The following PHTF2 variants were observed in gnomAD, a reference collection of about 807,000 sequenced individuals.
PHTF2 encodes the protein protein PHTF2.
In PHTF2, 60 loss-of-function variants were observed where a neutral mutation model predicts 101.2. The observed-to-expected ratio is 0.59, with a 90% confidence interval of 0.48 to 0.73. PHTF2 has a LOEUF of 0.73. PHTF2 is among the 30% of genes least tolerant of loss of function. PHTF2 has a pLI of 0.00. For missense variants in PHTF2, 747 were observed against 908.7 expected, an observed-to-expected ratio of 0.82 and a Z score of 2.29; for synonymous variants, 311 against 307.3, an observed-to-expected ratio of 1.01 and a Z score of -0.13.
chr7:77,932,602 A>AG, intron 12 of PHTF2, among the ~76,000 whole-genome samples: 1 of 130,062 alleles, frequency 7.7e-6, no homozygotes, highest in African/African-American at 2.9e-5. Flanking sequence ...GAGAGAGAGA[A>AG]AGAGAGAGAG....
At chr7:77,876,833 C>T (rs1798983287) in intron 3 of PHTF2, among the ~76,000 whole-genome samples, 1 of 152,136 alleles carries the variant, frequency 6.6e-6, no homozygotes, top group Non-Finnish European at 1.5e-5. Context: ...TGTGATTGCA[C>T]CACTGCATAA....
At chr7:77,943,815 C>T (rs184690845) in intron 16 of PHTF2, among the ~76,000 whole-genome samples, 163 of 151,952 alleles carry the variant, frequency 1.1e-3, no homozygotes, top group African/African-American at 3.4e-3. Flanking sequence ...GTCAGGAGTT[C>T]GAGACCAGCC....
At chr7:77,921,546 T>A (rs571321403) in intron 10 of PHTF2, among the ~76,000 whole-genome samples, 10 of 152,334 alleles carry the variant, frequency 6.6e-5, no homozygotes, top group African/African-American at 1.9e-4. Context: ...AACGTTCATG[T>A]ATTTTCAGTA....
intron 1 of PHTF2, among the ~76,000 whole-genome samples, chr7:77,833,537 A>G (rs1391240223): frequency 6.6e-6 from 1 of 152,194 alleles, no homozygotes; most frequent in East Asian, 1.9e-4. Flanking sequence ...TGAGGTAAGA[A>G]GATTGCTGAA....
chr7:77,889,208 T>C (rs1172259005), intron 3 of PHTF2, among the ~76,000 whole-genome samples: 1 of 152,200 alleles, frequency 6.6e-6, no homozygotes, highest in Non-Finnish European at 1.5e-5. Context: ...AGGGAAGAGC[T>C]TGACTCCAGC....
intron 7 of PHTF2, chr7:77,907,763 G>T (rs984929494): frequency 6.6e-5 from 10 of 152,146 alleles, no homozygotes; most frequent in Non-Finnish European, 1.2e-4. Flanking sequence ...ATCAATATAT[G>T]TCTCTTCAAA....
At chr7:77,884,630 C>T (rs1799673323) in intron 3 of PHTF2, among the ~76,000 whole-genome samples, 1 of 152,192 alleles carries the variant, frequency 6.6e-6, no homozygotes, top group Non-Finnish European at 1.5e-5. Context: ...GGCGCAGTGG[C>T]TTACCCCTGT....
chr7:77,836,974 C>CAAA (rs60178398), intron 1 of PHTF2, among the ~76,000 whole-genome samples: 2 of 89,618 alleles, frequency 2.2e-5, no homozygotes, highest in African/African-American at 6.6e-5. Context: ...ATAAAAAAAG[C>CAAA]AAAAAAAAAA....
chr7:77,925,513 T>G (rs912651987), intron 11 of PHTF2, among the ~76,000 whole-genome samples: 2 of 139,124 alleles, frequency 1.4e-5, no homozygotes, highest in African/African-American at 5.5e-5. Context: ...TTTTTTTTTT[T>G]TTTTTTTTTT....
intron 9 of PHTF2, among the ~76,000 whole-genome samples, chr7:77,916,653 C>A (rs1436200256): frequency 6.6e-6 from 1 of 152,082 alleles, no homozygotes; most frequent in African/African-American, 2.4e-5. Flanking sequence ...AACCACCCCC[C>A]CACCCAGGAT....
chr7:77,940,510 C>T lies in PHTF2; in HGVS notation c.1741-18C>T. 2 of 1,565,340 alleles carry T rather than the reference C, an allele frequency of 1.3e-6. No individual in the cohort carries two copies. Among genetic ancestry groups the T allele is most frequent in the Non-Finnish European group, 1.7e-6 (2 of 1,155,566 alleles). On this transcript the variant is annotated intron_variant, in intron 14 of 19. Transcript: ENST00000416283. ...GGTAATCTACTTGAAAATTAATCCTCATCTTAATCTTTTTTAGCGATTACT... is the reference window on the plus strand; with the variant it reads ...GGTAATCTACTTGAAAATTAATCCTTATCTTAATCTTTTTTAGCGATTACT...
At chr7:77,897,277 TTAA>T (rs1800955602) in intron 5 of PHTF2, among the ~76,000 whole-genome samples, 1 of 144,778 alleles carries the variant, frequency 6.9e-6, no homozygotes, top group Admixed American at 7.3e-5. Context: ...CTTTCTAAAC[TTAA>T]ACAGCCCATT....
chr7:77,865,521 A>C (rs1275853544), intron 3 of PHTF2, among the ~76,000 whole-genome samples: 1 of 152,182 alleles, frequency 6.6e-6, no homozygotes, highest in East Asian at 1.9e-4. Flanking sequence ...CATGTCACCC[A>C]GCCAATCTCT....
At chr7:77,869,915 T>G (rs1798382797) in intron 3 of PHTF2, among the ~76,000 whole-genome samples, 1 of 152,206 alleles carries the variant, frequency 6.6e-6, no homozygotes, top group Admixed American at 6.5e-5. Context: ...TGGCGATCTT[T>G]TACCCATATA....
intron 10 of PHTF2, among the ~76,000 whole-genome samples, chr7:77,921,419 CAAATT>C (rs2150914501): frequency 6.6e-6 from 1 of 152,192 alleles, no homozygotes; most frequent in East Asian, 1.9e-4. Context: ...GAGAGAGAGT[CAAATT>C]AAAAGATGTT....
chr7:77,876,051 C>T (rs1362826665), intron 3 of PHTF2, among the ~76,000 whole-genome samples: 4 of 152,192 alleles, frequency 2.6e-5, no homozygotes, highest in African/African-American at 9.7e-5. Context: ...TGTGCCTGAG[C>T]TAGAATTCAA....
At chr7:77,884,386 C>T (rs1025339508) in intron 3 of PHTF2, among the ~76,000 whole-genome samples, 1 of 152,072 alleles carries the variant, frequency 6.6e-6, no homozygotes, top group Non-Finnish European at 1.5e-5. Context: ...CTCCCCTTCC[C>T]ACCCTACCCC....
chr7:77,902,741 A>G (rs954136162), intron 7 of PHTF2, among the ~76,000 whole-genome samples: 3 of 152,164 alleles, frequency 2.0e-5, no homozygotes, highest in Non-Finnish European at 4.4e-5. Context: ...CATGATTACA[A>G]TCCTGAATGA....
chr7:77,915,901 A>C lies in PHTF2; in HGVS notation c.777-4378A>C, dbSNP rs1246272384. ...TTCATGGTGTTTGGGTTGATCTAAG[A>C]AAATAGCATTAACTCTGGTTTTATG... On this transcript the variant is annotated intron_variant, in intron 9 of 19. Transcript: ENST00000416283. Among the ~76,000 whole-genome samples the C allele has an allele frequency of 2.0e-5, 3 of 152,156 alleles. No homozygotes were observed. In the East Asian group the frequency reaches 5.8e-4, roughly 29 times the overall value.
Sources: allele counts gnomAD v4.1 joint callset (sites outside exome capture counted in the v4.1 genomes callset), GRCh38; gene constraint gnomAD v4.1.1; transcripts MANE v1.5; gene names NCBI Gene and HGNC (gene_info 2026-07-23, HGNC 2026-07-21).